WWOX: variants seen among roughly 807,000 people sequenced by gnomAD.
WWOX encodes WW domain containing oxidoreductase, also known as WW domain-containing oxidoreductase.
WWOX carries 69 observed loss-of-function variants against 46.2 expected under a neutral mutation model. The ratio of observed to expected loss-of-function variants is 1.49; its 90% CI spans 1.23 to 1.82. WWOX has a LOEUF of 1.82. WWOX is among the 40% of genes most tolerant of loss of function. WWOX has a pLI of 0.00. For missense variants in WWOX, 919 were observed against 542.6 expected (o/e 1.69, Z -6.89); for synonymous variants, 359 against 202.6 (o/e 1.77, Z -6.56).
intron 5 of WWOX, among the ~76,000 whole-genome samples, chr16:78,243,580 T>C (rs1325053477): frequency 6.6e-6 from 1 of 152,106 alleles, no homozygotes; most frequent in Non-Finnish European, 1.5e-5. Flanking sequence ...AGAGTCTCAC[T>C]CTGTCTTCCA....
At chr16:78,600,136 G>A (rs183845129) in intron 8 of WWOX, among the ~76,000 whole-genome samples, 1 of 152,126 alleles carries the variant, frequency 6.6e-6, no homozygotes, top group Admixed American at 6.5e-5. Context: ...ATCAGATCTC[G>A]TGAGACTTGT....
chr16:78,870,405 A>T (rs2044100926), intron 8 of WWOX, among the ~76,000 whole-genome samples: 1 of 152,130 alleles, frequency 6.6e-6, no homozygotes, highest in South Asian at 2.1e-4. Context: ...AGATGGGAAG[A>T]CTAAGGTCCA....
At chr16:78,350,725 C>T (rs1170710772) in intron 5 of WWOX, among the ~76,000 whole-genome samples, 2 of 121,268 alleles carry the variant, frequency 1.6e-5, no homozygotes, top group Admixed American at 1.6e-4. Context: ...GTTGTTTCCA[C>T]ATTTTGGCTA....
At chr16:78,628,006 AG>A (rs2046348284) in intron 8 of WWOX, among the ~76,000 whole-genome samples, 1 of 152,340 alleles carries the variant, frequency 6.6e-6, no homozygotes, top group East Asian at 1.9e-4. Flanking sequence ...CCTCAGGACC[AG>A]GGGTGAAGAG....
chr16:78,702,487 C>G (rs528179528), intron 8 of WWOX, among the ~76,000 whole-genome samples: 186 of 148,608 alleles, frequency 1.3e-3, no homozygotes, highest in Non-Finnish European at 2.1e-3. Flanking sequence ...CCCATCTCTA[C>G]TAAAAATACA....
intron 8 of WWOX, among the ~76,000 whole-genome samples, chr16:78,497,958 T>G (rs2084958673): frequency 6.6e-6 from 1 of 151,842 alleles, no homozygotes; most frequent in South Asian, 2.1e-4. Context: ...ATGACAGCAC[T>G]TTGGGAGGCC....
In WWOX at chr16:78,332,552, A is replaced by G. The variant is rs897643872; in HGVS notation, c.517-54308A>G. On this transcript the variant is annotated intron_variant, in intron 5 of 8. Coordinates refer to ENST00000566780, the MANE Select transcript of WWOX (RefSeq NM_016373.4). ...GGCTTATTCCATTTGCTCAAGAACA[A>G]ACATCCATTTGTCCACCCCAAGTAT... 2.6e-5 allele frequency among the ~76,000 whole-genome samples: 4 copies of G among 152,302 alleles called. No individual in the cohort carries two copies. In the East Asian group the frequency reaches 7.7e-4, roughly 29 times the overall value.
In WWOX at chr16:78,632,557, A is replaced by ATTTTTTTTTTTTTTTTTT. The variant is rs545062752; in HGVS notation, c.1056+199809_1056+199826dup. Reference sequence around the variant, plus strand: ...CTCTCTTCCCCCACTTACTTGGCCAATTTTTTTTTTTTTTTTTTTTTGGTG... The same window carrying ATTTTTTTTTTTTTTTTTT: ...CTCTCTTCCCCCACTTACTTGGCCAATTTTTTTTTTTTTTTTTTTTTTTTTTTTTTTTTTTTTTTGGTG... On this transcript the variant is annotated intron_variant, in intron 8 of 8. Transcript: ENST00000566780. Among the ~76,000 whole-genome samples the ATTTTTTTTTTTTTTTTTT allele has an allele frequency of 4.4e-4, 33 of 74,748 alleles. 7 individuals carry two copies. The highest frequency in any genetic ancestry group is 6.0e-4 in the Non-Finnish European group (25 of 41,488). The allele number at this position is 74,748 out of a possible 152,430, so 49.0% of individuals were successfully genotyped here.
chr16:78,115,486 A>G (rs911358432), intron 4 of WWOX, among the ~76,000 whole-genome samples: 5 of 152,222 alleles, frequency 3.3e-5, no homozygotes, highest in African/African-American at 7.2e-5. Flanking sequence ...TACCTGGGTT[A>G]TTCAAACCAA....
intron 5 of WWOX, among the ~76,000 whole-genome samples, chr16:78,337,532 C>T (rs988725079): frequency 6.6e-6 from 1 of 152,114 alleles, no homozygotes; most frequent in Admixed American, 6.5e-5. Flanking sequence ...TTGTGTTGTA[C>T]ATTCTATAGG....
At chr16:78,183,982 G>A (rs2035614973) in intron 5 of WWOX, among the ~76,000 whole-genome samples, 2 of 152,132 alleles carry the variant, frequency 1.3e-5, no homozygotes, top group Non-Finnish European at 2.9e-5. Flanking sequence ...AACACTTTGG[G>A]CAGGCTTCAG....
At chr16:78,273,066 C>G (rs957366205) in intron 5 of WWOX, among the ~76,000 whole-genome samples, 1 of 152,148 alleles carries the variant, frequency 6.6e-6, no homozygotes, top group Non-Finnish European at 1.5e-5. Context: ...TCCTTCATTT[C>G]CACTCTTCTA....
At chr16:78,783,633 T>C (rs1168579589) in intron 8 of WWOX, among the ~76,000 whole-genome samples, 2 of 152,190 alleles carry the variant, frequency 1.3e-5, no homozygotes, top group East Asian at 3.9e-4. Flanking sequence ...AGGATGTGCC[T>C]GGCATACCCC....
intron 8 of WWOX, among the ~76,000 whole-genome samples, chr16:79,012,507 T>A (rs184515688): frequency 6.6e-6 from 1 of 152,160 alleles, no homozygotes; most frequent in Admixed American, 6.5e-5. Flanking sequence ...AGTACTGGGA[T>A]TACAGACAAG....
At chr16:78,473,255 A>G (rs986878749) in intron 8 of WWOX, among the ~76,000 whole-genome samples, 4 of 152,094 alleles carry the variant, frequency 2.6e-5, no homozygotes, top group African/African-American at 9.7e-5. Context: ...TCAGCCTCCC[A>G]AGTGGCTTGG....
At chr16:78,306,311 C>G (rs1348768527) in intron 5 of WWOX, among the ~76,000 whole-genome samples, 1 of 152,128 alleles carries the variant, frequency 6.6e-6, no homozygotes, top group East Asian at 1.9e-4. Context: ...AAGGGTGAGT[C>G]TAGCTGTTCC....
chr16:78,776,598 TGTTTAG>T, intron 8 of WWOX, among the ~76,000 whole-genome samples: 1 of 152,152 alleles, frequency 6.6e-6, no homozygotes, highest in African/African-American at 2.4e-5. Flanking sequence ...TGAGGATGGA[TGTTTAG>T]CTCACTTTAT....
At chr16:78,495,558 G>T (rs932703628) in intron 8 of WWOX, among the ~76,000 whole-genome samples, 6 of 150,710 alleles carry the variant, frequency 4.0e-5, no homozygotes, top group Non-Finnish European at 5.9e-5. Context: ...ACCTAGGCTG[G>T]AGTGCAGTGG....
intron 8 of WWOX, among the ~76,000 whole-genome samples, chr16:78,508,421 G>A (rs2085272212): frequency 1.3e-5 from 2 of 150,250 alleles, no homozygotes; most frequent in South Asian, 4.3e-4. Context: ...GCCCAGGGAA[G>A]CTAAAAGATT....
Sources: gnomAD v4.1 joint callset for allele counts (sites outside exome capture counted in the v4.1 genomes callset) on GRCh38, gnomAD v4.1.1 for gene constraint, MANE v1.5 for transcripts, NCBI Gene and HGNC (gene_info 2026-07-23, HGNC 2026-07-21) for gene names.